STX6: variants seen among roughly 807,000 people sequenced by gnomAD.
STX6 encodes syntaxin 6.
STX6 carries 23 observed loss-of-function variants against 38.0 expected under a neutral mutation model. The observed-to-expected ratio is 0.60, with a 90% CI of 0.43 to 0.86. STX6 has a LOEUF of 0.86. STX6 is among the 40% of genes least tolerant of loss of function. STX6 has a pLI of 0.00. For synonymous variants in STX6, 123 were observed against 107.5 expected, an observed-to-expected ratio of 1.14 and a Z score of -0.89; for missense variants, 274 against 312.9, an observed-to-expected ratio of 0.88 and a Z score of 0.94.
chr1:180,976,774 CT>C, intron 7 of STX6, 128 bp from the exon 8 acceptor site: 1 of 794,488 alleles, frequency 1.3e-6, no homozygotes, highest in African/African-American at 1.7e-5. Flanking sequence ...GGGCCATGAT[CT>C]TACACCTGCC....
At chr1:180,983,289 A>C (rs954912069) in intron 7 of STX6, among the ~76,000 whole-genome samples, 3 of 152,234 alleles carry the variant, frequency 2.0e-5, no homozygotes, top group Non-Finnish European at 4.4e-5. Context: ...TGTACCTGAC[A>C]GTAGGAAACC....
At chr1:180,999,661 G>GT (rs1553265230) in intron 3 of STX6, among the ~76,000 whole-genome samples, 1 of 149,370 alleles carries the variant, frequency 6.7e-6, no homozygotes, top group Non-Finnish European at 1.5e-5. Flanking sequence ...AGCAAATAAA[G>GT]AAAAAAAAAA....
intron 4 of STX6, 149 bp downstream of exon 4, chr1:180,993,214 G>A (rs1655802938): frequency 1.8e-6 from 1 of 561,348 alleles, no homozygotes; most frequent in East Asian, 3.0e-5. Flanking sequence ...TGCCTGGACT[G>A]TCACAAAACC....
rs2102295748 is a variant in STX6, at chr1:180,974,763, C to T, written c.*1807G>A. 1 of 152,710 alleles carries T rather than the reference C, an allele frequency of 6.5e-6. No individual in the cohort carries two copies. Among genetic ancestry groups the T allele is most frequent in the Admixed American group, 6.5e-5 (1 of 15,300 alleles). The allele number at this position is 152,710 out of a possible 1,614,324, so 9.5% of individuals were successfully genotyped here. On this transcript the variant is annotated 3_prime_UTR_variant, in exon 8 of 8. Transcript: ENST00000258301. ...TTTGTAAAACATAAATAACCTAGTA[C>T]TCTAAACATCTGAAGCCCTTTGTAA...
intron 3 of STX6, among the ~76,000 whole-genome samples, chr1:180,998,851 C>T (rs1046555332): frequency 2.0e-5 from 3 of 152,222 alleles, no homozygotes; most frequent in African/African-American, 2.4e-5. Flanking sequence ...CTTTCTAACA[C>T]ATGACGTTTA....
At chr1:180,990,191 A>T in intron 4 of STX6, 82 bp from the exon 5 acceptor site, 1 of 1,548,704 alleles carries the variant, frequency 6.5e-7, no homozygotes, top group Non-Finnish European at 8.8e-7. Context: ...AGAGTGATAT[A>T]AAGAGTTTTC....
At chr1:181,018,388 CAAAAAA>C (rs34962747) in intron 1 of STX6, among the ~76,000 whole-genome samples, 3 of 43,040 alleles carry the variant, frequency 7.0e-5, no homozygotes, top group African/African-American at 8.9e-5. Context: ...GACTCTGTCC[CAAAAAA>C]AAAAAAAAAA....
chr1:180,979,772 G>A (rs1368510431), intron 7 of STX6, among the ~76,000 whole-genome samples: 3 of 152,220 alleles, frequency 2.0e-5, no homozygotes, highest in Non-Finnish European at 1.5e-5. Flanking sequence ...ACAGATTGGG[G>A]TAGAATATTT....
At chr1:181,005,552 T>C in intron 1 of STX6, 89 bp from the exon 2 acceptor site, 1 of 1,279,444 alleles carries the variant, frequency 7.8e-7, no homozygotes, top group Non-Finnish European at 1.1e-6. Flanking sequence ...TTTATGATCA[T>C]ACACCATCCT....
At chr1:180,987,575 G>C (rs768325086) in intron 6 of STX6, 1 of 152,210 alleles carries the variant, frequency 6.6e-6, no homozygotes, top group Non-Finnish European at 1.5e-5. Context: ...ATCGAGACAG[G>C]AAAGTTTCTG....
rs1194090017 is a variant in STX6 at position 180,975,321 on chromosome 1, T to C, written c.*1249A>G. On this transcript the variant is annotated 3_prime_UTR_variant, in exon 8 of 8. Transcript: ENST00000258301. ...AGGGAAGTTATAAAAATATCCTATA[T>C]ACATGTGCACATTTGAGGCATTTTA... 1.3e-5 allele frequency: 2 copies of C among 152,660 alleles called. No homozygotes were observed. The highest frequency in any genetic ancestry group is 2.9e-5 in the Non-Finnish European group (2 of 68,038). 9.5% of individuals were successfully genotyped at this position (152,660 alleles called of 1,614,324 possible).
At chr1:181,006,926 T>A (rs1656238781) in intron 1 of STX6, among the ~76,000 whole-genome samples, 1 of 152,234 alleles carries the variant, frequency 6.6e-6, no homozygotes, top group African/African-American at 2.4e-5. Flanking sequence ...AGTTTAAGGC[T>A]TAGGCAAGTC....
intron 1 of STX6, among the ~76,000 whole-genome samples, chr1:181,016,095 T>A (rs1346591502): frequency 6.6e-6 from 1 of 152,218 alleles, no homozygotes; most frequent in Non-Finnish European, 1.5e-5. Flanking sequence ...CAGATTAAAT[T>A]TAAACTCCTC....
chr1:181,014,448 T>C (rs546743772), intron 1 of STX6, among the ~76,000 whole-genome samples: 2 of 152,224 alleles, frequency 1.3e-5, no homozygotes, highest in South Asian at 2.1e-4. Context: ...GAACATTTAT[T>C]GGTGCAGCCA....
At chr1:180,985,188 G>C (rs1468162336) in intron 6 of STX6, among the ~76,000 whole-genome samples, 1 of 152,064 alleles carries the variant, frequency 6.6e-6, no homozygotes, top group Non-Finnish European at 1.5e-5. Context: ...CTAGATTTCA[G>C]AACTGCAAGA....
intron 5 of STX6, chr1:180,989,318 C>T (rs1222737446): frequency 6.6e-6 from 1 of 151,860 alleles, no homozygotes; most frequent in African/African-American, 2.4e-5. Context: ...AAGGTGAAAC[C>T]CCGTCTCTAC....
At chr1:180,982,716 T>C (rs1039913532) in intron 7 of STX6, among the ~76,000 whole-genome samples, 5 of 152,240 alleles carry the variant, frequency 3.3e-5, no homozygotes, top group Admixed American at 3.3e-4. Context: ...GAGTTTAAAC[T>C]GGTTATACAA....
At chr1:181,014,623 G>A (rs1656503822) in intron 1 of STX6, among the ~76,000 whole-genome samples, 3 of 152,208 alleles carry the variant, frequency 2.0e-5, no homozygotes, top group Non-Finnish European at 2.9e-5. Context: ...GGTTGAGTGA[G>A]CCTCTGCAAC....
intron 6 of STX6, 189 bp downstream of exon 6, chr1:180,988,050 G>T: frequency 6.3e-6 from 3 of 477,836 alleles, no homozygotes; most frequent in Non-Finnish European, 7.5e-6. Context: ...CCTAAAGCCT[G>T]TAGTAAAATT....
Sources: gnomAD v4.1 joint callset for allele counts (sites outside exome capture counted in the v4.1 genomes callset) on GRCh38, gnomAD v4.1.1 for gene constraint, MANE v1.5 for transcripts, NCBI Gene and HGNC (gene_info 2026-07-23, HGNC 2026-07-21) for gene names.